The following GFRA1 variants were observed in gnomAD, a reference collection of about 807,000 sequenced individuals.
GFRA1 encodes GDNF family receptor alpha-1.
GFRA1 carries 16 observed loss-of-function variants against 51.6 expected under a neutral mutation model. The observed-to-expected ratio is 0.31, with a 90% CI of 0.21 to 0.47. GFRA1 has a LOEUF of 0.47. GFRA1 is among the 20% of genes least tolerant of loss of function. GFRA1 has a pLI of 1.00. For synonymous variants in GFRA1, 270 were observed against 241.3 expected (o/e 1.12, Z -1.10); for missense variants, 530 against 594.3 (o/e 0.89, Z 1.13).
chr10:116,129,135 G>C (rs996406312), intron 5 of GFRA1, among the ~76,000 whole-genome samples: 1 of 152,088 alleles, frequency 6.6e-6, no homozygotes, highest in African/African-American at 2.4e-5. Context: ...TTTTATTTCA[G>C]ATTCTCATTC....
At chr10:116,263,722 G>A (rs1969455958) in intron 4 of GFRA1, among the ~76,000 whole-genome samples, 1 of 152,228 alleles carries the variant, frequency 6.6e-6, no homozygotes, top group South Asian at 2.1e-4. Context: ...TGGGAATGAG[G>A]AGGTCAGGTT....
chr10:116,092,627 A>C (rs563562897), intron 8 of GFRA1, among the ~76,000 whole-genome samples: 1 of 152,194 alleles, frequency 6.6e-6, no homozygotes, highest in Admixed American at 6.5e-5. Flanking sequence ...CATCGGGGTG[A>C]ACAAAGCTCT....
intron 5 of GFRA1, among the ~76,000 whole-genome samples, chr10:116,181,910 TG>T (rs1381690835): frequency 1.3e-5 from 2 of 152,240 alleles, no homozygotes; most frequent in African/African-American, 2.4e-5. Flanking sequence ...CCCAAAGTGC[TG>T]GGATTACAGG....
chr10:116,260,923 G>A (rs1335258369), intron 4 of GFRA1, among the ~76,000 whole-genome samples: 2 of 152,214 alleles, frequency 1.3e-5, no homozygotes, highest in Non-Finnish European at 2.9e-5. Flanking sequence ...AAAAATCTGA[G>A]GGCTTAACGC....
In GFRA1 at chr10:116,057,687, A is replaced by C. The variant is rs1231199734; in HGVS notation, c.*6711T>G. 6.6e-6 allele frequency: 1 copy of C among 152,006 alleles called. No individual in the cohort carries two copies. The highest frequency in any genetic ancestry group is 2.4e-5 in the African/African-American group (1 of 41,398). 9.4% of individuals were successfully genotyped at this position (152,006 alleles called of 1,614,324 possible). A position where few individuals can be genotyped will look rare whatever the true frequency, so the allele number is the denominator to read the frequency against. ...TGGGCGAGGGAAGGGAGAAGAAGAT[A>C]GATAATGAGGAGAACTATAAGGCCC... On this transcript the variant is annotated 3_prime_UTR_variant, in exon 11 of 11. Transcript: ENST00000355422.
At chr10:116,248,368 G>A (rs1968042747) in intron 4 of GFRA1, among the ~76,000 whole-genome samples, 1 of 152,178 alleles carries the variant, frequency 6.6e-6, no homozygotes, top group East Asian at 1.9e-4. Flanking sequence ...AGGGAGCGCT[G>A]TTCCTTTTTC....
intron 5 of GFRA1, among the ~76,000 whole-genome samples, chr10:116,144,771 T>C (rs993145960): frequency 6.6e-6 from 1 of 152,108 alleles, no homozygotes; most frequent in Non-Finnish European, 1.5e-5. Context: ...GAGATTATGA[T>C]TTTGAGATAG....
At chr10:116,210,003 G>A (rs1965067694) in intron 5 of GFRA1, among the ~76,000 whole-genome samples, 1 of 152,074 alleles carries the variant, frequency 6.6e-6, no homozygotes, top group African/African-American at 2.4e-5. Flanking sequence ...GGTAGCTTGC[G>A]GCTTCCATCT....
intron 5 of GFRA1, among the ~76,000 whole-genome samples, chr10:116,197,005 A>C (rs1013940508): frequency 6.6e-6 from 1 of 151,014 alleles, no homozygotes; most frequent in Non-Finnish European, 1.5e-5. Flanking sequence ...CTGTGTCTTC[A>C]TGTGGCCTTC....
chr10:116,179,055 T>C (rs1453943322), intron 5 of GFRA1, among the ~76,000 whole-genome samples: 1 of 152,110 alleles, frequency 6.6e-6, no homozygotes, highest in Non-Finnish European at 1.5e-5. Context: ...CAGAGGAAGT[T>C]ACACAGCAGA....
At chr10:116,080,408 T>C (rs918213314) in intron 9 of GFRA1, among the ~76,000 whole-genome samples, 2 of 152,196 alleles carry the variant, frequency 1.3e-5, no homozygotes, top group African/African-American at 4.8e-5. Context: ...GTATACTGCC[T>C]GGGTGATGGG....
At chr10:116,215,940 A>G (rs888820965) in intron 4 of GFRA1, among the ~76,000 whole-genome samples, 4 of 152,164 alleles carry the variant, frequency 2.6e-5, no homozygotes, top group African/African-American at 7.2e-5. Context: ...AAGGGCGTGT[A>G]TAAGTTGGTG....
chr10:116,123,538 G>C (rs897798901), intron 6 of GFRA1, among the ~76,000 whole-genome samples: 17 of 151,820 alleles, frequency 1.1e-4, no homozygotes, highest in African/African-American at 3.9e-4. Flanking sequence ...CATTCTACCA[G>C]AATAAAACTT....
intron 5 of GFRA1, among the ~76,000 whole-genome samples, chr10:116,143,115 G>C (rs899335297): frequency 6.6e-6 from 1 of 152,208 alleles, no homozygotes; most frequent in Non-Finnish European, 1.5e-5. Context: ...TGCCATACAG[G>C]ATGGAGGTGG....
intron 4 of GFRA1, among the ~76,000 whole-genome samples, chr10:116,256,301 T>G (rs940430927): frequency 1.3e-5 from 2 of 152,144 alleles, no homozygotes; most frequent in African/African-American, 2.4e-5. Context: ...ATATATTTTT[T>G]GGGATCACCA....
intron 6 of GFRA1, among the ~76,000 whole-genome samples, chr10:116,108,870 T>G (rs1453734979): frequency 6.6e-6 from 1 of 152,214 alleles, no homozygotes; most frequent in Non-Finnish European, 1.5e-5. Flanking sequence ...AGAGCAGGTA[T>G]TCTTTAAATA....
At chr10:116,135,706 T>C (rs1345484805) in intron 5 of GFRA1, among the ~76,000 whole-genome samples, 1 of 152,206 alleles carries the variant, frequency 6.6e-6, no homozygotes, top group Non-Finnish European at 1.5e-5. Context: ...CAGATTTGTT[T>C]GGAAAATGTA....
chr10:116,246,405 T>C (rs1383489914), intron 4 of GFRA1, among the ~76,000 whole-genome samples: 4 of 152,272 alleles, frequency 2.6e-5, no homozygotes, highest in African/African-American at 9.6e-5. Flanking sequence ...CACTCCAGCC[T>C]GGGCAACAAG....
intron 9 of GFRA1, among the ~76,000 whole-genome samples, chr10:116,072,738 G>GTGAC (rs2133801945): frequency 6.6e-6 from 1 of 152,222 alleles, no homozygotes; most frequent in South Asian, 2.1e-4. Flanking sequence ...TCCAGCCTGG[G>GTGAC]TGACAGAGAT....
Sources: allele counts gnomAD v4.1 joint callset (sites outside exome capture counted in the v4.1 genomes callset), GRCh38; gene constraint gnomAD v4.1.1; transcripts MANE v1.5; gene names NCBI Gene and HGNC (gene_info 2026-07-23, HGNC 2026-07-21).